Variants in USP10 observed in about 807,000 individuals in gnomAD.
The protein encoded by USP10 is ubiquitin carboxyl-terminal hydrolase 10.
USP10 carries 22 observed loss-of-function variants against 84.5 expected under a neutral mutation model. The ratio of observed to expected loss-of-function variants is 0.26; its 90% CI spans 0.19 to 0.37. The LOEUF is 0.37. Ranked by LOEUF, USP10 falls within the 10% of genes least tolerant of loss-of-function variation. The probability of loss-of-function intolerance (pLI) is 1.00; values close to 1 mark genes in which losing one functional copy is unlikely to be tolerated. For missense variants in USP10, 1,019 were observed against 998.9 expected, an observed-to-expected ratio of 1.02 and a Z score of -0.27; for synonymous variants, 454 against 387.6, an observed-to-expected ratio of 1.17 and a Z score of -2.01.
rs377396621 is a variant in USP10, at chr16:84,758,698, G to C, written c.1193-18G>C. The C allele has an allele frequency of 1.3e-6, 2 of 1,555,770 alleles. No homozygotes were observed. Among genetic ancestry groups the C allele is most frequent in the Admixed American group, 3.3e-5 (2 of 59,920 alleles). ...TAGATGTCATCAATTTCTGAAATAT[G>C]CTTCTTCACTCTTTCAGAGTTGCTG... On this transcript the variant is annotated intron_variant, in intron 4 of 13. Transcript: ENST00000219473.
At chr16:84,756,586 T>C (rs986859028) in intron 4 of USP10, among the ~76,000 whole-genome samples, 23 of 152,086 alleles carry the variant, frequency 1.5e-4, no homozygotes, top group African/African-American at 5.6e-4. Context: ...GAGCAAGACT[T>C]GTCTCAAAAA....
intron 1 of USP10, 49 bp downstream of exon 1, chr16:84,700,160 G>A (rs540024736): frequency 1.6e-5 from 19 of 1,219,132 alleles, no homozygotes; most frequent in African/African-American, 1.1e-4. Context: ...AGCCCCGGGC[G>A]GGCGGACGCC....
intron 1 of USP10, among the ~76,000 whole-genome samples, chr16:84,725,240 T>TGG (rs1908305256): frequency 6.6e-6 from 1 of 152,198 alleles, no homozygotes; most frequent in African/African-American, 2.4e-5. Flanking sequence ...CCATGATCTT[T>TGG]CTGTGTCTGG....
In USP10 at chr16:84,754,664, A is replaced by G. The variant is rs182844751; in HGVS notation, c.1193-4052A>G. On this transcript the variant is annotated intron_variant, in intron 4 of 13. Coordinates refer to ENST00000219473, the MANE Select transcript of USP10 (RefSeq NM_005153.3). The stretch of plus-strand genomic sequence containing the variant: ...ATAAGCAAACTGGAAGCTGGTATCG[A>G]TTTAAGGGAATGGCTGATGTAGAAA... Among the ~76,000 whole-genome samples, 124 of 152,338 alleles carry G rather than the reference A, an allele frequency of 8.1e-4. 3 individuals are homozygous for G. In the East Asian group the frequency reaches 0.02, roughly 25 times the overall value.
In USP10 at chr16:84,745,177, C is replaced by T. The variant is rs766493296; in HGVS notation, c.696C>T (p.Leu232=). The T allele has an allele frequency of 2.0e-5, 33 of 1,613,168 alleles. No homozygotes were observed. The Middle Eastern group carries it at 4.9e-4, about 24-fold the overall frequency. Residue 232 remains leucine (L), a synonymous_variant, in exon 4 of 14, where the codon CTC becomes CTT. Coordinates refer to ENST00000219473, the MANE Select transcript of USP10 (RefSeq NM_005153.3). The part of the protein sequence containing the change: ...IVPDSPFPGA[L]GSDTRTAGQP... Reference sequence around the variant, plus strand: ...CTGACAGTCCTTTCCCCGGAGCACTCGGCAGTGACACCAGGACTGCAGGGC... The same window carrying T: ...CTGACAGTCCTTTCCCCGGAGCACTTGGCAGTGACACCAGGACTGCAGGGC...
chr16:84,738,782 G>T (rs1910255153), intron 2 of USP10, among the ~76,000 whole-genome samples: 1 of 152,216 alleles, frequency 6.6e-6, no homozygotes, highest in Non-Finnish European at 1.5e-5. Context: ...CTAGCAGAGA[G>T]AAGCTTTTAT....
intron 1 of USP10, among the ~76,000 whole-genome samples, chr16:84,711,323 A>G (rs918838394): frequency 1.3e-5 from 2 of 152,130 alleles, no homozygotes; most frequent in Non-Finnish European, 2.9e-5. Flanking sequence ...TGCACCCCAC[A>G]TCTTGAAATA....
At chr16:84,720,131 G>A (rs1436995617) in intron 1 of USP10, among the ~76,000 whole-genome samples, 1 of 152,190 alleles carries the variant, frequency 6.6e-6, no homozygotes, top group African/African-American at 2.4e-5. Context: ...TTTTCTAGGA[G>A]ATTTGAAGAG....
At chr16:84,754,733 A>C (rs749994263) in intron 4 of USP10, among the ~76,000 whole-genome samples, 7 of 152,228 alleles carry the variant, frequency 4.6e-5, no homozygotes, top group Non-Finnish European at 7.3e-5. Flanking sequence ...TCACAAATAA[A>C]TGCTGGGAAA....
intron 1 of USP10, among the ~76,000 whole-genome samples, chr16:84,725,460 G>A (rs1908334164): frequency 6.6e-6 from 1 of 152,022 alleles, no homozygotes; most frequent in African/African-American, 2.4e-5. Context: ...AGTGCAAATG[G>A]CACGATTTCC....
At chr16:84,707,889 G>A (rs540060096) in intron 1 of USP10, among the ~76,000 whole-genome samples, 1 of 152,014 alleles carries the variant, frequency 6.6e-6, no homozygotes, top group South Asian at 2.1e-4. Flanking sequence ...GACCAGCCTG[G>A]GCAACGTAGC....
At chr16:84,748,494 G>A (rs962494718) in intron 4 of USP10, among the ~76,000 whole-genome samples, 10 of 152,064 alleles carry the variant, frequency 6.6e-5, no homozygotes, top group African/African-American at 2.4e-4. Flanking sequence ...AGTAGAGACC[G>A]AGTTTCACCA....
chr16:84,707,799 G>T (rs1905733073), intron 1 of USP10, among the ~76,000 whole-genome samples: 1 of 152,166 alleles, frequency 6.6e-6, no homozygotes, highest in Admixed American at 6.5e-5. Flanking sequence ...TTTGGGCCAG[G>T]TGCAGTGAGT....
intron 2 of USP10, among the ~76,000 whole-genome samples, chr16:84,739,521 C>T (rs1007575842): frequency 1.3e-5 from 2 of 152,124 alleles, no homozygotes; most frequent in Admixed American, 6.5e-5. Flanking sequence ...GATTCACCCA[C>T]CTCAGCCTCC....
chr16:84,731,328 A>G (rs968543220), intron 1 of USP10, among the ~76,000 whole-genome samples: 2 of 151,424 alleles, frequency 1.3e-5, no homozygotes, highest in African/African-American at 4.9e-5. Context: ...GGGCTACGCC[A>G]TAGGCAATGT....
In USP10 at chr16:84,761,863, C is replaced by T. The variant is rs142137456; in HGVS notation, c.1555-1126C>T. 1.7e-3 allele frequency among the ~76,000 whole-genome samples: 262 copies of T among 152,384 alleles called. 1 individual carries two copies. The highest frequency in any genetic ancestry group is 5.7e-3 in the African/African-American group (237 of 41,594). On this transcript the variant is annotated intron_variant, in intron 8 of 13. Coordinates refer to ENST00000219473, the MANE Select transcript of USP10 (RefSeq NM_005153.3). ...GCCTTTCCAAGGAGAGCCACCCAGGCCTGCTATGAAAAGTCTTCAGCACAC... is the reference window on the plus strand; with the variant it reads ...GCCTTTCCAAGGAGAGCCACCCAGGTCTGCTATGAAAAGTCTTCAGCACAC...
At chr16:84,757,753 T>C (rs1597377056) in intron 4 of USP10, among the ~76,000 whole-genome samples, 1 of 151,968 alleles carries the variant, frequency 6.6e-6, no homozygotes, top group Admixed American at 6.6e-5. Context: ...GATTATGGAG[T>C]TGAGGCCCTG....
intron 1 of USP10, among the ~76,000 whole-genome samples, chr16:84,701,906 A>G (rs1173264157): frequency 1.3e-5 from 2 of 151,084 alleles, no homozygotes; most frequent in African/African-American, 4.9e-5. Flanking sequence ...GTAGCAAAGG[A>G]AATAGTTTGA....
chr16:84,729,462 C>A (rs1333586637), intron 1 of USP10, among the ~76,000 whole-genome samples: 2 of 152,118 alleles, frequency 1.3e-5, no homozygotes, highest in African/African-American at 4.8e-5. Flanking sequence ...AGAATTCCTG[C>A]TTGAGTATAA....
Sources: gnomAD v4.1 joint callset for allele counts (sites outside exome capture counted in the v4.1 genomes callset) on GRCh38, gnomAD v4.1.1 for gene constraint, MANE v1.5 for transcripts, NCBI Gene and HGNC (gene_info 2026-07-23, HGNC 2026-07-21) for gene names.